Variants in XRRA1 observed in about 807,000 individuals in gnomAD.
The protein encoded by XRRA1 is X-ray radiation resistance associated 1, also known as X-ray radiation resistance-associated protein 1.
In XRRA1, 69 loss-of-function variants were observed where a neutral mutation model predicts 80.2. The observed-to-expected ratio is 0.86, with a 90% CI of 0.71 to 1.05. The LOEUF is 1.05. Among genes scored for constraint, XRRA1 ranks in the 50% least tolerant of loss-of-function variants. XRRA1 has a pLI of 0.00. For synonymous variants in XRRA1, 348 were observed against 389.9 expected, an observed-to-expected ratio of 0.89 and a Z score of 1.27; for missense variants, 967 against 976.4, an observed-to-expected ratio of 0.99 and a Z score of 0.13.
chr11:74,867,501 A>G (rs1374538362), intron 10 of XRRA1, among the ~76,000 whole-genome samples: 1 of 152,224 alleles, frequency 6.6e-6, no homozygotes, highest in East Asian at 1.9e-4. Flanking sequence ...TGGCTCTTCA[A>G]AATAACTCAG....
intron 10 of XRRA1, among the ~76,000 whole-genome samples, chr11:74,891,162 C>T (rs1443722127): frequency 1.3e-5 from 2 of 152,152 alleles, no homozygotes; most frequent in African/African-American, 4.8e-5. Context: ...CAATAAAATA[C>T]TGGCAAACCG....
At chr11:74,848,520 G>A in intron 14 of XRRA1, 58 bp from the exon 15 acceptor site, 1 of 1,478,308 alleles carries the variant, frequency 6.8e-7, no homozygotes, top group South Asian at 1.3e-5. Flanking sequence ...TCTCCTCCTG[G>A]GCCTCACTAG....
chr11:74,935,760 T>C (rs1039964513), intron 4 of XRRA1, among the ~76,000 whole-genome samples: 3 of 152,172 alleles, frequency 2.0e-5, no homozygotes, highest in African/African-American at 7.2e-5. Flanking sequence ...AACTATCCAA[T>C]AGGCAGAGTG....
At chr11:74,923,632 T>C (rs1039805851) in intron 7 of XRRA1, among the ~76,000 whole-genome samples, 4 of 152,172 alleles carry the variant, frequency 2.6e-5, no homozygotes, top group African/African-American at 7.2e-5. Flanking sequence ...AACCCTTCAA[T>C]GGATCCCTAT....
intron 10 of XRRA1, among the ~76,000 whole-genome samples, chr11:74,892,792 G>A (rs1171926747): frequency 2.0e-5 from 3 of 151,864 alleles, no homozygotes; most frequent in Non-Finnish European, 4.4e-5. Context: ...GCAGCCAAAA[G>A]ACACATGAAA....
chr11:74,872,192 G>T (rs1345880981), intron 10 of XRRA1, among the ~76,000 whole-genome samples: 2 of 152,148 alleles, frequency 1.3e-5, no homozygotes, highest in Non-Finnish European at 2.9e-5. Context: ...ACTCTAAACT[G>T]TCCAAGATAA....
At chr11:74,932,430 T>C (rs1052689030) in intron 5 of XRRA1, among the ~76,000 whole-genome samples, 1 of 152,050 alleles carries the variant, frequency 6.6e-6, no homozygotes, top group Non-Finnish European at 1.5e-5. Context: ...TAACTCCATA[T>C]CCATCTAAGC....
At chr11:74,868,090 T>G (rs1402066218) in intron 10 of XRRA1, among the ~76,000 whole-genome samples, 1 of 152,078 alleles carries the variant, frequency 6.6e-6, no homozygotes. Context: ...CCTAATTTTT[T>G]GTATTTTTAG....
intron 10 of XRRA1, among the ~76,000 whole-genome samples, chr11:74,868,970 C>T (rs1053795189): frequency 1.3e-5 from 2 of 152,032 alleles, no homozygotes; most frequent in Non-Finnish European, 1.5e-5. Flanking sequence ...ATATTAATGA[C>T]CTGAACTCAA....
rs1246026333 is a variant in XRRA1, at chr11:74,845,008, C to T, written c.1927+65G>A. ...CAGCTTGGTGCCAGCCTTGGCTTGA[C>T]CCTGACTTGCTCTGAGCTGTGGAGA... On this transcript the variant is annotated intron_variant, in intron 16 of 18. Coordinates refer to ENST00000684022, the MANE Select transcript of XRRA1 (RefSeq NM_001378157.1). 4.5e-6 allele frequency: 7 copies of T among 1,551,784 alleles called. No homozygotes were observed. In the Admixed American group the frequency reaches 8.6e-5, roughly 19 times the overall value.
chr11:74,939,651 A>G (rs2139850621), intron 3 of XRRA1, among the ~76,000 whole-genome samples: 1 of 152,296 alleles, frequency 6.6e-6, no homozygotes, highest in South Asian at 2.1e-4. Flanking sequence ...CAAGAAGCCC[A>G]TGTTCTTTTC....
At chr11:74,863,365 C>A in intron 10 of XRRA1, 1 of 297,448 alleles carries the variant, frequency 3.4e-6, no homozygotes, top group Non-Finnish European at 6.3e-6. Context: ...CTTTAAAGCA[C>A]ATAAGCACTT....
rs1022396675 is a variant in XRRA1 at position 74,841,548 on chromosome 11, A to ACT, written c.*1650_*1651dup. ...TTTTTTCCTCTTAAGAAAAAAATTTACTCTCTCTCCTTTGTGAGTAAATGC... is the reference window on the plus strand; with the variant it reads ...TTTTTTCCTCTTAAGAAAAAAATTTACTCTCTCTCTCCTTTGTGAGTAAATGC... On this transcript the variant is annotated 3_prime_UTR_variant, in exon 19 of 19. Transcript: ENST00000684022. The ACT allele has an allele frequency of 6.6e-6, 1 of 152,150 alleles. No homozygotes were observed. The allele number at this position is 152,150 out of a possible 1,614,324, so 9.4% of individuals were successfully genotyped here. A position where few individuals can be genotyped will look rare whatever the true frequency, so the allele number is the denominator to read the frequency against.
rs561310435 is a variant in XRRA1, at chr11:74,872,122, A to G, written c.1004-9101T>C. ...TCCACAAATGAATGGAAAAGGAAAC[A>G]CTTATTAATGTGCATATTGGAGGGC... On this transcript the variant is annotated intron_variant, in intron 10 of 18. Transcript: ENST00000684022. Among the ~76,000 whole-genome samples the G allele has an allele frequency of 1.9e-4, 29 of 152,308 alleles. 1 individual carries two copies. The highest frequency in any genetic ancestry group is 7.0e-4 in the African/African-American group (29 of 41,574).
At chr11:74,858,448 C>T (rs1050142613) in intron 12 of XRRA1, among the ~76,000 whole-genome samples, 2 of 152,148 alleles carry the variant, frequency 1.3e-5, no homozygotes. Context: ...TAGAAGAAAA[C>T]ACTTGGGGAG....
rs752182155 is a variant in XRRA1, at chr11:74,848,365, G to C, written c.1478C>G (p.Pro493Arg). The C allele has an allele frequency of 5.6e-6, 9 of 1,613,832 alleles. No individual in the cohort carries two copies. The highest frequency in any genetic ancestry group is 7.6e-6 in the Non-Finnish European group (9 of 1,179,870). The change falls in exon 15 of 19, where the codon CCA becomes CGA. Residue 493 changes from proline (P) to arginine (R), a missense_variant. Coordinates refer to ENST00000684022, the MANE Select transcript of XRRA1 (RefSeq NM_001378157.1). The stretch of plus-strand genomic sequence containing the variant: ...CAGATCTTCAGCCAGCTCTGCCTCT[G>C]GCTCTAGCATATCCTTTGAGGGAGA... ...TKSPSKDMLE[P>R]EAELAEDLPT...
At position 74,872,317 on chromosome 11, in the gene XRRA1, GT is replaced by G. The variant is rs2044998786; in HGVS notation, c.1004-9297del. 5.3e-5 allele frequency among the ~76,000 whole-genome samples: 8 copies of G among 152,270 alleles called. No homozygotes were observed. In the South Asian group the frequency reaches 1.7e-3, roughly 32 times the overall value. On this transcript the variant is annotated intron_variant, in intron 10 of 18. Coordinates refer to ENST00000684022, the MANE Select transcript of XRRA1 (RefSeq NM_001378157.1). ...AGGGACAGCTAACCCTCAAGGACAAGTTTATTATACTGGCAGCTCCCAATAT... is the reference window on the plus strand; with the variant it reads ...AGGGACAGCTAACCCTCAAGGACAAGTTATTATACTGGCAGCTCCCAATAT...
At chr11:74,843,559 CAGG>C in intron 18 of XRRA1, 106 bp from the exon 19 acceptor site, 1 of 1,455,554 alleles carries the variant, frequency 6.9e-7, no homozygotes, top group Non-Finnish European at 9.2e-7. Flanking sequence ...GATGGTGTGG[CAGG>C]AGGATGCTAA....
chr11:74,892,985 G>T (rs1463311190), intron 10 of XRRA1, among the ~76,000 whole-genome samples: 2 of 152,196 alleles, frequency 1.3e-5, no homozygotes, highest in Non-Finnish European at 2.9e-5. Context: ...AACCGTTGTG[G>T]AAGTCAGTGT....
Sources: gnomAD v4.1 joint callset for allele counts (sites outside exome capture counted in the v4.1 genomes callset) on GRCh38, gnomAD v4.1.1 for gene constraint, MANE v1.5 for transcripts, NCBI Gene and HGNC (gene_info 2026-07-23, HGNC 2026-07-21) for gene names.